The following ZMYM4 variants were observed in gnomAD, a reference collection of about 807,000 sequenced individuals.
ZMYM4 encodes the protein zinc finger MYM-type protein 4.
In ZMYM4, 31 loss-of-function variants were observed where a neutral mutation model predicts 183.2. That is an observed-to-expected ratio of 0.17 (90% CI 0.13 to 0.23). The LOEUF is 0.23. Among genes scored for constraint, ZMYM4 ranks in the 10% least tolerant of loss-of-function variants. The probability of loss-of-function intolerance (pLI) is 1.00; values close to 1 mark genes in which losing one functional copy is unlikely to be tolerated. For missense variants in ZMYM4, 1,273 were observed against 1,840.3 expected (o/e 0.69, Z 5.64); for synonymous variants, 592 against 631.2 (o/e 0.94, Z 0.93).
At chr1:35,405,230 TAGG>T (rs1644981008) in intron 24 of ZMYM4, 36 bp downstream of exon 24, 1 of 1,604,798 alleles carries the variant, frequency 6.2e-7, no homozygotes, top group Admixed American at 1.7e-5. Flanking sequence ...TTGATTTAGG[TAGG>T]GGGAAATATA....
chr1:35,399,061 T>A lies in ZMYM4; in HGVS notation c.3433+18T>A, dbSNP rs747769157. On this transcript the variant is annotated intron_variant, in intron 22 of 29. Transcript: ENST00000314607. The stretch of plus-strand genomic sequence containing the variant: ...TCCATCAGGTTTGTGTACAGTAACC[T>A]GTCCACTGAAAGCTTTTTATTTTAA... The A allele has an allele frequency of 6.2e-7, 1 of 1,610,746 alleles. No individual in the cohort carries two copies. The highest frequency in any genetic ancestry group is 2.2e-5 in the East Asian group (1 of 44,800).
intron 23 of ZMYM4, among the ~76,000 whole-genome samples, chr1:35,402,777 A>G (rs1303564310): frequency 1.3e-5 from 2 of 152,194 alleles, no homozygotes; most frequent in Non-Finnish European, 2.9e-5. Context: ...CTCAACTAAA[A>G]TCCTTAGGAT....
At chr1:35,341,446 G>A (rs1643197870) in intron 2 of ZMYM4, among the ~76,000 whole-genome samples, 1 of 151,900 alleles carries the variant, frequency 6.6e-6, no homozygotes, top group Non-Finnish European at 1.5e-5. Flanking sequence ...TTATTTTCAA[G>A]TAATATTTAT....
At chr1:35,412,180 G>T (rs1315429197) in intron 26 of ZMYM4, among the ~76,000 whole-genome samples, 2 of 151,480 alleles carry the variant, frequency 1.3e-5, no homozygotes, top group Non-Finnish European at 2.9e-5. Context: ...CACCTGGCGG[G>T]ACTTTCTTAA....
chr1:35,361,803 CT>C lies in ZMYM4; in HGVS notation c.840+20del, dbSNP rs747776360. 7.9e-5 allele frequency: 126 copies of C among 1,591,146 alleles called. No individual in the cohort carries two copies. The highest frequency in any genetic ancestry group is 1.1e-4 in the Admixed American group (6 of 53,656). On this transcript the variant is annotated intron_variant, in intron 5 of 29. Transcript: ENST00000314607. ...GACAATGCTCAAGTAAACATTTCAC[CT>C]TTTTTCCCCCCTTCTTTTTGTTCCA...
rs115748985 is a variant in ZMYM4 at position 35,419,060 on chromosome 1, C to G, written c.4440-410C>G. ...TATTGAGTGCCCTTGGAGTTCATTC[C>G]AGGATATTGGGCACTTCCAATATGT... On this transcript the variant is annotated intron_variant, in intron 29 of 29. Transcript: ENST00000314607. 8.0e-3 allele frequency among the ~76,000 whole-genome samples: 1,221 copies of G among 152,144 alleles called. 20 individuals carry two copies. Among genetic ancestry groups the G allele is most frequent in the African/African-American group, 0.028 (1,172 of 41,498 alleles).
chr1:35,303,665 G>A (rs142270879), intron 1 of ZMYM4, among the ~76,000 whole-genome samples: 139 of 152,106 alleles, frequency 9.1e-4, no homozygotes, highest in African/African-American at 3.1e-3. Flanking sequence ...GAGCCACAGC[G>A]CCCAGCCTAT....
intron 1 of ZMYM4, among the ~76,000 whole-genome samples, chr1:35,300,855 A>T (rs1331698517): frequency 6.6e-6 from 1 of 152,150 alleles, no homozygotes; most frequent in Non-Finnish European, 1.5e-5. Flanking sequence ...TAGTTTTATC[A>T]TTTGTATAAT....
intron 1 of ZMYM4, among the ~76,000 whole-genome samples, chr1:35,299,036 T>TG (rs1001739203): frequency 1.3e-5 from 2 of 151,914 alleles, no homozygotes; most frequent in African/African-American, 4.8e-5. Context: ...TGAAAGTTTT[T>TG]TTTTTTTTTT....
In ZMYM4 at chr1:35,386,155, A is replaced by C; in HGVS notation, c.1802A>C (p.Asn601Thr). Residue 601 changes from asparagine to threonine, a missense_variant, in exon 11 of 30, where the codon AAC becomes ACC. Transcript: ENST00000314607. ...HLAMSDGSIR[N>T]FCSYSCVVAF... ...GCCATGTCAGATGGAAGTATACGCA[A>C]CTTCTGCAGCTACAGCTGTGTGGTA... The C allele has an allele frequency of 2.5e-6, 4 of 1,613,870 alleles. No homozygotes were observed. The highest frequency in any genetic ancestry group is 3.4e-6 in the Non-Finnish European group (4 of 1,179,882).
intron 6 of ZMYM4, 60 bp downstream of exon 6, chr1:35,370,173 A>G: frequency 6.3e-7 from 1 of 1,579,598 alleles, no homozygotes; most frequent in Non-Finnish European, 8.6e-7. Context: ...AATGAGAAGA[A>G]ATTCTGCTTG....
rs758554030 is a variant in ZMYM4 at position 35,381,584 on chromosome 1, A to G, written c.1395A>G (p.Lys465=). 1.2e-6 allele frequency: 2 copies of G among 1,614,174 alleles called. No individual in the cohort carries two copies. Among genetic ancestry groups the G allele is most frequent in the South Asian group, 2.2e-5 (2 of 91,086 alleles). Residue 465 remains lysine (K), a synonymous_variant, in exon 9 of 30, where the codon AAA becomes AAG. Coordinates refer to ENST00000314607, the MANE Select transcript of ZMYM4 (RefSeq NM_005095.3). Reference sequence around the variant, plus strand: ...TTAATTACCAGAATGTGGTCCATAAACTTTGCAGTGATGCCTGCTTCTCTA... The same window carrying G: ...TTAATTACCAGAATGTGGTCCATAAGCTTTGCAGTGATGCCTGCTTCTCTA... The part of the protein sequence containing the change: ...HEVNYQNVVH[K]LCSDACFSKF...
chr1:35,397,128 G>A (rs1644822985), intron 19 of ZMYM4: 1 of 1,093,200 alleles, frequency 9.1e-7, no homozygotes, highest in Non-Finnish European at 1.1e-6. Flanking sequence ...CAAAATGCAA[G>A]TGTATTATAG....
intron 9 of ZMYM4, among the ~76,000 whole-genome samples, chr1:35,382,038 G>A (rs1018796790): frequency 1.8e-4 from 27 of 151,472 alleles, no homozygotes; most frequent in African/African-American, 5.6e-4. Flanking sequence ...CCAGCTACTC[G>A]GGAGGCTGAG....
chr1:35,402,185 T>C (rs1047884638), intron 23 of ZMYM4, among the ~76,000 whole-genome samples: 7 of 151,636 alleles, frequency 4.6e-5, no homozygotes, highest in African/African-American at 1.7e-4. Flanking sequence ...AGGGAGAGAA[T>C]TGACATTTTA....
At chr1:35,358,903 A>G (rs1643883802) in intron 2 of ZMYM4, 22 bp from the exon 3 acceptor site, 1 of 1,595,958 alleles carries the variant, frequency 6.3e-7, no homozygotes, top group South Asian at 1.1e-5. Flanking sequence ...TCATTTGTCT[A>G]AACAGTATTT....
Position 35,389,875 on chromosome 1 carries a change from G to C in ZMYM4, c.2437-73G>C, listed in dbSNP as rs141067930. Reference sequence around the variant, plus strand: ...CTAAGTTAATTTCGTCACTTGTTATGTGTGTCTTATTTTTATTTTGTCAGA... The same window carrying C: ...CTAAGTTAATTTCGTCACTTGTTATCTGTGTCTTATTTTTATTTTGTCAGA... On this transcript the variant is annotated intron_variant, in intron 14 of 29. Transcript: ENST00000314607. This position sits in a 1 kb window ranked among gnomAD's most constrained non-coding sequence, Gnocchi z 4.0. 11,285 of 1,499,096 alleles carry C rather than the reference G, an allele frequency of 7.5e-3. 58 individuals carry two copies. Among genetic ancestry groups the C allele is most frequent in the South Asian group, 9.9e-3 (759 of 76,868 alleles). 92.9% of individuals were successfully genotyped at this position (1,499,096 alleles called of 1,614,324 possible).
intron 2 of ZMYM4, among the ~76,000 whole-genome samples, chr1:35,329,709 T>A (rs1642654204): frequency 6.6e-6 from 1 of 152,152 alleles, no homozygotes; most frequent in South Asian, 2.1e-4. Context: ...TATTATCTTT[T>A]AAAAATTCTC....
chr1:35,392,807 T>C (rs1644735163), intron 17 of ZMYM4, 123 bp downstream of exon 17: 1 of 671,316 alleles, frequency 1.5e-6, no homozygotes, highest in African/African-American at 1.9e-5. Context: ...CATTAGCTCA[T>C]TTAATCTTTG....
Sources: gnomAD v4.1 joint callset for allele counts (sites outside exome capture counted in the v4.1 genomes callset) on GRCh38, gnomAD v4.1.1 for gene constraint, Gnocchi (gnomAD v3.1) non-coding constraint, MANE v1.5 for transcripts, NCBI Gene and HGNC (gene_info 2026-07-23, HGNC 2026-07-21) for gene names.